FSD1L: variants seen among roughly 807,000 people sequenced by gnomAD.
FSD1L encodes fibronectin type III and SPRY domain containing 1 like, also known as FSD1-like protein.
In FSD1L, 45 loss-of-function variants were observed where a neutral mutation model predicts 71.6. The observed-to-expected ratio is 0.63, with a 90% CI of 0.49 to 0.81. The LOEUF is 0.81. Among genes scored for constraint, FSD1L ranks in the 30% least tolerant of loss-of-function variants. The pLI is 0.00. For synonymous variants in FSD1L, 197 were observed against 207.2 expected, an observed-to-expected ratio of 0.95 and a Z score of 0.42; for missense variants, 561 against 618.1, an observed-to-expected ratio of 0.91 and a Z score of 0.98.
chr9:105,508,761 CTG>C, intron 9 of FSD1L, 46 bp downstream of exon 9: 2 of 1,140,582 alleles, frequency 1.8e-6, no homozygotes, highest in South Asian at 2.9e-5. Flanking sequence ...AGCTTAACAT[CTG>C]AAGTTATTCA....
At chr9:105,529,617 G>T (rs1054383039) in intron 10 of FSD1L, among the ~76,000 whole-genome samples, 1 of 152,004 alleles carries the variant, frequency 6.6e-6, no homozygotes, top group Admixed American at 6.6e-5. Flanking sequence ...CATGGGGCCT[G>T]TCGGGGTGGG....
chr9:105,467,288 G>T (rs1418154991), intron 3 of FSD1L, among the ~76,000 whole-genome samples: 1 of 152,152 alleles, frequency 6.6e-6, no homozygotes, highest in Non-Finnish European at 1.5e-5. Context: ...ACAGTAGATT[G>T]TATATATTAG....
chr9:105,464,593 A>T (rs943673064), intron 3 of FSD1L, among the ~76,000 whole-genome samples: 5 of 152,198 alleles, frequency 3.3e-5, no homozygotes, highest in Non-Finnish European at 5.9e-5. Context: ...TCCATTTGAC[A>T]TTTTTTCTAA....
At chr9:105,495,159 T>C (rs10820809) in intron 7 of FSD1L, among the ~76,000 whole-genome samples, 103,374 of 152,088 alleles carry the variant, frequency 0.68, 35,505 homozygotes, top group African/African-American at 0.76. Flanking sequence ...CCACCCAGTT[T>C]GAGCTTCCCG....
chr9:105,539,783 A>C (rs1454275198), intron 13 of FSD1L, among the ~76,000 whole-genome samples: 1 of 152,078 alleles, frequency 6.6e-6, no homozygotes, highest in Admixed American at 6.6e-5. Context: ...TTGACTCAAC[A>C]TTATGCTTGT....
intron 10 of FSD1L, among the ~76,000 whole-genome samples, chr9:105,529,715 C>G (rs1835771321): frequency 6.6e-6 from 1 of 151,598 alleles, no homozygotes; most frequent in African/African-American, 2.4e-5. Context: ...ACATGTATAC[C>G]TATGTAACAA....
intron 5 of FSD1L, among the ~76,000 whole-genome samples, chr9:105,474,645 G>T (rs921880869): frequency 6.6e-6 from 1 of 152,110 alleles, no homozygotes. Flanking sequence ...TTCATTTAAG[G>T]TATACTATTT....
intron 6 of FSD1L, among the ~76,000 whole-genome samples, chr9:105,483,927 G>A (rs1832370261): frequency 6.6e-6 from 1 of 152,066 alleles, no homozygotes; most frequent in African/African-American, 2.4e-5. Flanking sequence ...GAGGGTACAT[G>A]GGATAGCTCT....
chr9:105,460,034 A>G (rs13362922), intron 1 of FSD1L, among the ~76,000 whole-genome samples: 19,745 of 152,170 alleles, frequency 0.13, 1,650 homozygotes, highest in African/African-American at 0.24. Flanking sequence ...CTCTCTCTTC[A>G]AAGAATGAGA....
At chr9:105,461,039 AC>A (rs1830660054) in intron 1 of FSD1L, among the ~76,000 whole-genome samples, 2 of 152,252 alleles carry the variant, frequency 1.3e-5, no homozygotes, top group Non-Finnish European at 2.9e-5. Flanking sequence ...ACTTATATCC[AC>A]ATATAGCTAT....
intron 9 of FSD1L, among the ~76,000 whole-genome samples, chr9:105,511,665 G>A (rs898851289): frequency 1.3e-5 from 2 of 152,056 alleles, no homozygotes; most frequent in Admixed American, 1.3e-4. Context: ...TATTCAGAAT[G>A]TTGTTTCATA....
chr9:105,485,670 G>C (rs12004019), intron 7 of FSD1L, among the ~76,000 whole-genome samples: 1 of 149,392 alleles, frequency 6.7e-6, no homozygotes, highest in Admixed American at 6.7e-5. Flanking sequence ...TTGAGACGGA[G>C]TCTTGCTCTG....
At chr9:105,523,565 C>A in intron 10 of FSD1L, 1 of 1,612,060 alleles carries the variant, frequency 6.2e-7, no homozygotes, top group East Asian at 2.2e-5. Flanking sequence ...TTAGAGATAA[C>A]CTCGGCATTT....
At chr9:105,525,420 T>A (rs1835447391) in intron 10 of FSD1L, 5 of 1,607,276 alleles carry the variant, frequency 3.1e-6, no homozygotes, top group Admixed American at 3.4e-5. Context: ...TTATTAATGC[T>A]ATCCTTAAGC....
intron 10 of FSD1L, among the ~76,000 whole-genome samples, chr9:105,515,533 C>T (rs932280083): frequency 6.6e-6 from 1 of 152,092 alleles, no homozygotes; most frequent in Admixed American, 6.6e-5. Flanking sequence ...CCATGGAGGG[C>T]GAGCTGAAGC....
At chr9:105,525,239 T>G in intron 10 of FSD1L, 2 of 1,603,426 alleles carry the variant, frequency 1.2e-6, no homozygotes, top group Admixed American at 3.5e-5. Flanking sequence ...TTTAAAAGAT[T>G]TAGAGAAACT....
rs1333318708 is a variant in FSD1L, at chr9:105,549,498, G to C, written c.*3015G>C. 3 of 151,898 alleles carry C rather than the reference G, an allele frequency of 2.0e-5. No individual in the cohort carries two copies. Among genetic ancestry groups the C allele is most frequent in the Non-Finnish European group, 2.9e-5 (2 of 67,880 alleles). The allele number at this position is 151,898 out of a possible 1,614,324, so 9.4% of individuals were successfully genotyped here. ...ACGTAAACTAACTGAAAGTATTAAG[G>C]ACATGCCTGTCTATACATGGGTTTC... On this transcript the variant is annotated 3_prime_UTR_variant, in exon 14 of 14. Transcript: ENST00000481272.
In FSD1L at chr9:105,534,568, T is replaced by C. The variant is rs1463911276; in HGVS notation, c.1101T>C (p.Phe367=). 6.5e-7 allele frequency: 1 copy of C among 1,548,306 alleles called. No individual in the cohort carries two copies. The highest frequency in any genetic ancestry group is 8.7e-7 in the Non-Finnish European group (1 of 1,143,632). ...PPAVRGSRDR[F]TGESYTVLGD... is the part of the protein sequence containing the mutation. ...CAGTAAGAGGCAGTAGAGATCGTTT[T>C]ACTGGAGAATCATACACAGTGCTGG... The change falls in exon 11 of 14, where the codon TTT becomes TTC. Residue 367 remains phenylalanine (F), a synonymous_variant. Transcript: ENST00000481272.
chr9:105,455,786 C>T (rs1830321304), intron 1 of FSD1L, among the ~76,000 whole-genome samples: 1 of 152,154 alleles, frequency 6.6e-6, no homozygotes, highest in African/African-American at 2.4e-5. Context: ...AAAAGTTACT[C>T]CATATTAGCA....
Sources: gnomAD v4.1 joint callset for allele counts (sites outside exome capture counted in the v4.1 genomes callset) on GRCh38, gnomAD v4.1.1 for gene constraint, MANE v1.5 for transcripts, NCBI Gene and HGNC (gene_info 2026-07-23, HGNC 2026-07-21) for gene names.